Variants in MAGI2 observed in about 807,000 individuals in gnomAD.
MAGI2 encodes membrane-associated guanylate kinase, WW and PDZ domain-containing protein 2.
A neutral mutation model predicts 133.3 loss-of-function variants in MAGI2; 35 were observed. The ratio of observed to expected loss-of-function variants is 0.26; its 90% confidence interval spans 0.20 to 0.35. The LOEUF is 0.35. Ranked by LOEUF, MAGI2 falls within the 10% of genes least tolerant of loss-of-function variation. MAGI2 has a pLI of 1.00. For synonymous variants in MAGI2, 729 were observed against 710.6 expected, an observed-to-expected ratio of 1.03 and a Z score of -0.41; for missense variants, 1,636 against 1,863.4, an observed-to-expected ratio of 0.88 and a Z score of 2.25.
chr7:78,075,123 G>C (rs924572026), intron 21 of MAGI2, among the ~76,000 whole-genome samples: 1 of 152,198 alleles, frequency 6.6e-6, no homozygotes, highest in Non-Finnish European at 1.5e-5. Context: ...TGTGGTATGT[G>C]CTGGGCAGAG....
At chr7:78,121,662 C>T (rs758773542) in intron 20 of MAGI2, among the ~76,000 whole-genome samples, 18 of 152,160 alleles carry the variant, frequency 1.2e-4, no homozygotes, top group Non-Finnish European at 1.8e-4. Context: ...TGTAAAACCA[C>T]CTTGGACAAT....
chr7:78,852,867 T>C (rs1022057408), intron 2 of MAGI2, among the ~76,000 whole-genome samples: 2 of 152,142 alleles, frequency 1.3e-5, no homozygotes, highest in Non-Finnish European at 2.9e-5. Flanking sequence ...ATAGTCAGTC[T>C]CAAGAAAATG....
rs201457342 is a variant in MAGI2 at position 78,552,926 on chromosome 7, GC to G, written c.539-31282del. The stretch of plus-strand genomic sequence containing the variant: ...TAAGGTGGTAGAACGAGAACAAATT[GC>G]CCCCCCAAGGTCAGTGAGCTCCAGG... On this transcript the variant is annotated intron_variant, in intron 3 of 21. Coordinates refer to ENST00000354212, the MANE Select transcript of MAGI2 (RefSeq NM_012301.4). 2.8e-3 allele frequency among the ~76,000 whole-genome samples: 423 copies of G among 151,982 alleles called. 1 individual carries two copies. Among genetic ancestry groups the G allele is most frequent in the African/African-American group, 8.8e-3 (363 of 41,436 alleles).
intron 1 of MAGI2, among the ~76,000 whole-genome samples, chr7:79,198,044 T>A (rs1477486174): frequency 6.6e-6 from 1 of 151,612 alleles, no homozygotes; most frequent in African/African-American, 2.4e-5. Flanking sequence ...GCCAGGAGCT[T>A]GAGAGCAGCC....
chr7:78,314,015 C>G (rs1331839310), intron 9 of MAGI2, among the ~76,000 whole-genome samples: 1 of 152,088 alleles, frequency 6.6e-6, no homozygotes, highest in Non-Finnish European at 1.5e-5. Flanking sequence ...TGAAAGACCT[C>G]TCATTCTCCA....
intron 3 of MAGI2, among the ~76,000 whole-genome samples, chr7:78,557,865 T>TGTAAGAAAA (rs1164946121): frequency 6.6e-6 from 1 of 152,176 alleles, no homozygotes; most frequent in African/African-American, 2.4e-5. Flanking sequence ...AACATGTACA[T>TGTAAGAAAA]GTAAGAAAAG....
intron 1 of MAGI2, among the ~76,000 whole-genome samples, chr7:79,212,596 T>C (rs1238986153): frequency 6.6e-6 from 1 of 152,060 alleles, no homozygotes; most frequent in Non-Finnish European, 1.5e-5. Flanking sequence ...TTTAGTCTGA[T>C]GCAGCAGTAA....
chr7:79,142,674 T>C (rs1486808305), intron 1 of MAGI2, among the ~76,000 whole-genome samples: 1 of 152,186 alleles, frequency 6.6e-6, no homozygotes, highest in Admixed American at 6.5e-5. Flanking sequence ...GAACATAAAA[T>C]GAGAGCAAGT....
At chr7:78,329,966 G>A (rs1330261705) in intron 9 of MAGI2, among the ~76,000 whole-genome samples, 2 of 152,074 alleles carry the variant, frequency 1.3e-5, no homozygotes, top group Admixed American at 1.3e-4. Context: ...AAAGAAGCAA[G>A]AGGTGTCTTT....
rs903273455 is a variant in MAGI2 at position 78,261,795 on chromosome 7, G to C, written c.1409-5214C>G. Among the ~76,000 whole-genome samples the C allele has an allele frequency of 7.2e-5, 11 of 151,976 alleles. 1 individual carries two copies. Among genetic ancestry groups the C allele is most frequent in the African/African-American group, 2.7e-4 (11 of 41,378 alleles). On this transcript the variant is annotated intron_variant, in intron 9 of 21. Coordinates refer to ENST00000354212, the MANE Select transcript of MAGI2 (RefSeq NM_012301.4). ...AAGATTTGACTGAGCTTTATTTTCT[G>C]CAGCTTATATTAATTTGTGTTTTAA...
intron 1 of MAGI2, among the ~76,000 whole-genome samples, chr7:79,215,276 A>G (rs1829927858): frequency 1.3e-5 from 2 of 152,022 alleles, no homozygotes; most frequent in South Asian, 4.1e-4. Flanking sequence ...AAATCGAAGT[A>G]TTTTACCCTG....
chr7:78,755,897 G>A (rs1166395765), intron 2 of MAGI2, among the ~76,000 whole-genome samples: 1 of 152,108 alleles, frequency 6.6e-6, no homozygotes, highest in Non-Finnish European at 1.5e-5. Flanking sequence ...CAAAGCTTTT[G>A]CACTGTGGGT....
intron 10 of MAGI2, among the ~76,000 whole-genome samples, chr7:78,213,622 C>T (rs1479714643): frequency 6.6e-6 from 1 of 152,180 alleles, no homozygotes; most frequent in African/African-American, 2.4e-5. Context: ...GCTCTTGTGC[C>T]AGAGTTTCGG....
intron 3 of MAGI2, among the ~76,000 whole-genome samples, chr7:78,604,921 A>C (rs188131474): frequency 2.0e-4 from 30 of 152,290 alleles, no homozygotes; most frequent in African/African-American, 7.2e-4. Flanking sequence ...AATGTTGTGT[A>C]ATACCCCCAT....
chr7:78,373,426 A>T (rs987448837), intron 6 of MAGI2, among the ~76,000 whole-genome samples: 3 of 152,172 alleles, frequency 2.0e-5, no homozygotes, highest in South Asian at 2.1e-4. Context: ...CTTATGAAAG[A>T]TGTAAATGTT....
At chr7:79,143,327 T>A (rs1289171472) in intron 1 of MAGI2, among the ~76,000 whole-genome samples, 1 of 152,188 alleles carries the variant, frequency 6.6e-6, no homozygotes, top group Non-Finnish European at 1.5e-5. Flanking sequence ...TAGCTAGGGA[T>A]AACTTGGCAA....
At chr7:78,227,429 C>G (rs970873420) in intron 10 of MAGI2, among the ~76,000 whole-genome samples, 1 of 152,174 alleles carries the variant, frequency 6.6e-6, no homozygotes. Context: ...AAGAACTTCT[C>G]TAACTGGACC....
chr7:78,298,464 T>A (rs1168954499), intron 9 of MAGI2, among the ~76,000 whole-genome samples: 2 of 152,196 alleles, frequency 1.3e-5, no homozygotes, highest in African/African-American at 2.4e-5. Flanking sequence ...GTTGGGTATA[T>A]GGGAGCTCTC....
chr7:78,616,933 T>C (rs1376925613), intron 3 of MAGI2: 1 of 152,180 alleles, frequency 6.6e-6, no homozygotes, highest in East Asian at 1.9e-4. Context: ...TCAAACAAAT[T>C]TTCTGACTCT....
Sources: gnomAD v4.1 joint callset for allele counts (sites outside exome capture counted in the v4.1 genomes callset) on GRCh38, gnomAD v4.1.1 for gene constraint, MANE v1.5 for transcripts, NCBI Gene and HGNC (gene_info 2026-07-23, HGNC 2026-07-21) for gene names.